CNOT10: variants seen among roughly 807,000 people sequenced by gnomAD.
The protein encoded by CNOT10 is CCR4-NOT transcription complex, subunit 10.
CNOT10 carries 30 observed loss-of-function variants against 94.6 expected under a neutral mutation model. The ratio of observed to expected loss-of-function variants is 0.32; its 90% CI spans 0.24 to 0.43. The LOEUF (loss-of-function observed/expected upper bound fraction) is 0.43, where lower values mean the gene tolerates loss of function less well. CNOT10 is among the 20% of genes least tolerant of loss of function. The probability of loss-of-function intolerance (pLI) is 1.00; values close to 1 mark genes in which losing one functional copy is unlikely to be tolerated. For synonymous variants in CNOT10, 289 were observed against 301.6 expected (o/e 0.96, Z 0.43); for missense variants, 759 against 877.2 (o/e 0.87, Z 1.70).
At chr3:32,740,489 T>A (rs1348284007) in intron 13 of CNOT10, among the ~76,000 whole-genome samples, 1 of 152,154 alleles carries the variant, frequency 6.6e-6, no homozygotes, top group Non-Finnish European at 1.5e-5. Context: ...ACAGTCAAGA[T>A]ATTGACATTG....
chr3:32,704,001 G>T, intron 2 of CNOT10, 39 bp downstream of exon 2: 1 of 1,249,288 alleles, frequency 8.0e-7, no homozygotes, highest in Non-Finnish European at 1.2e-6. Flanking sequence ...AAGTTGTAGG[G>T]TTCTGTCAAG....
At position 32,704,930 on chromosome 3, in the gene CNOT10, A is replaced by G. The variant is rs1232842161; in HGVS notation, c.237A>G (p.Thr79=). The part of the protein sequence containing the change: ...VAEFFKSNQT[T]TDNLRQTLNQ... ...AGTTTTTTAAAAGTAACCAAACAAC[A>G]ACAGATAATTTGAGACAAACACTTA... The change falls in exon 3 of 19, where the codon ACA becomes ACG. Residue 79 remains threonine, a synonymous_variant. Transcript: ENST00000328834. 3.9e-6 allele frequency: 6 copies of G among 1,555,376 alleles called. No individual in the cohort carries two copies. The highest frequency in any genetic ancestry group is 1.7e-6 in the Non-Finnish European group (2 of 1,162,230).
intron 13 of CNOT10, among the ~76,000 whole-genome samples, chr3:32,746,051 G>A (rs760292948): frequency 5.9e-5 from 9 of 152,168 alleles, no homozygotes; most frequent in Non-Finnish European, 1.3e-4. Flanking sequence ...ACATTTTCCT[G>A]TTTTTTCTTT....
intron 17 of CNOT10, among the ~76,000 whole-genome samples, chr3:32,768,802 A>T (rs1035064297): frequency 6.6e-6 from 1 of 152,148 alleles, no homozygotes; most frequent in Non-Finnish European, 1.5e-5. Context: ...ATTTCTCCTA[A>T]TGCTGCCAGA....
intron 1 of CNOT10, among the ~76,000 whole-genome samples, chr3:32,690,773 T>C: frequency 6.6e-6 from 1 of 151,988 alleles, no homozygotes; most frequent in South Asian, 2.1e-4. Flanking sequence ...GGTCTCTAAC[T>C]CCTGACCTCA....
In CNOT10 at chr3:32,769,856, T is replaced by C. The variant is rs1378242344; in HGVS notation, c.2005-31T>C. ...GAGTGTGTATCTTAAGCTTTTGTTT[T>C]TTCACGGGCATCTTTCTGTTTTGAG... On this transcript the variant is annotated intron_variant, in intron 17 of 18. Coordinates refer to ENST00000328834, the MANE Select transcript of CNOT10 (RefSeq NM_015442.3). 5.0e-6 allele frequency: 8 copies of C among 1,591,444 alleles called. No homozygotes were observed. The African/African-American group carries it at 9.4e-5, about 19-fold the overall frequency.
At chr3:32,697,780 A>G (rs1273348210) in intron 1 of CNOT10, among the ~76,000 whole-genome samples, 5 of 152,244 alleles carry the variant, frequency 3.3e-5, no homozygotes, top group African/African-American at 9.6e-5. Flanking sequence ...GCCAAGGGGC[A>G]TATTTTAGAA....
In CNOT10 at chr3:32,753,687, CAAA is replaced by C. The variant is rs544345348; in HGVS notation, c.1596-5770_1596-5768del. 1.0e-4 allele frequency: 161 copies of C among 1,585,000 alleles called. No homozygotes were observed. In the South Asian group the frequency reaches 1.7e-3, roughly 17 times the overall value. On this transcript the variant is annotated intron_variant, in intron 13 of 18. Coordinates refer to ENST00000328834, the MANE Select transcript of CNOT10 (RefSeq NM_015442.3). ...ATTGGGATAAATTAGTGGGTAAAATCAAAGAAGAAGAAAATAATGAAAAGTTGG... is the reference window on the plus strand; with the variant it reads ...ATTGGGATAAATTAGTGGGTAAAATCGAAGAAGAAAATAATGAAAAGTTGG...
At chr3:32,687,441 T>TTTTTTTTTG (rs1371473503) in intron 1 of CNOT10, among the ~76,000 whole-genome samples, 227 of 6,992 alleles carry the variant, frequency 0.032, 4 homozygotes, top group African/African-American at 0.074. Context: ...TCCTCACGGT[T>TTTTTTTTTG]TTTTTTTTTT....
At chr3:32,703,141 G>A (rs948736649) in intron 1 of CNOT10, among the ~76,000 whole-genome samples, 1 of 149,466 alleles carries the variant, frequency 6.7e-6, no homozygotes, top group African/African-American at 2.5e-5. Flanking sequence ...AGCCAGGATG[G>A]TCTCGATCTC....
chr3:32,730,152 G>T (rs972930832), intron 10 of CNOT10, among the ~76,000 whole-genome samples: 1 of 152,032 alleles, frequency 6.6e-6, no homozygotes, highest in Non-Finnish European at 1.5e-5. Flanking sequence ...AGTGTTGGGC[G>T]CCTTTCTTTG....
chr3:32,761,824 G>A (rs1279310136), intron 14 of CNOT10, among the ~76,000 whole-genome samples: 1 of 150,240 alleles, frequency 6.7e-6, no homozygotes, highest in Middle Eastern at 3.2e-3. Context: ...CCAGGCTGGA[G>A]TGCAATGGCG....
intron 13 of CNOT10, among the ~76,000 whole-genome samples, chr3:32,754,711 G>A (rs1431703869): frequency 1.4e-5 from 2 of 147,128 alleles, no homozygotes; most frequent in Non-Finnish European, 3.0e-5. Context: ...TGGTAGAGAC[G>A]GGGTTTCGCC....
At chr3:32,735,728 TTAAAA>T (rs1321554913) in intron 12 of CNOT10, among the ~76,000 whole-genome samples, 2 of 152,134 alleles carry the variant, frequency 1.3e-5, no homozygotes, top group African/African-American at 2.4e-5. Flanking sequence ...AGAAAATTTA[TTAAAA>T]TAAACACTTG....
chr3:32,762,136 A>C (rs997901291), intron 14 of CNOT10, among the ~76,000 whole-genome samples: 4 of 150,002 alleles, frequency 2.7e-5, no homozygotes, highest in Non-Finnish European at 4.4e-5. Context: ...AAAGTCATTA[A>C]GATTTTGAGC....
intron 17 of CNOT10, chr3:32,769,483 T>C (rs902326394): frequency 5.5e-6 from 1 of 181,744 alleles, no homozygotes; most frequent in African/African-American, 2.3e-5. Flanking sequence ...TGGTACGTTT[T>C]TTCTGTATTA....
chr3:32,695,497 A>G, intron 1 of CNOT10: 1 of 1,377,460 alleles, frequency 7.3e-7, no homozygotes, highest in Non-Finnish European at 9.7e-7. Flanking sequence ...CACCAATCAG[A>G]TTTGAATGAT....
rs566826513 is a variant in CNOT10 at position 32,750,435 on chromosome 3, T to G, written c.1596-9023T>G. The stretch of plus-strand genomic sequence containing the variant: ...TGAACCCCGGAGGCCGAAGTTGCAG[T>G]GAGCCAAGATCGCACCACTGCACTC... On this transcript the variant is annotated intron_variant, in intron 13 of 18. Coordinates refer to ENST00000328834, the MANE Select transcript of CNOT10 (RefSeq NM_015442.3). 1.6e-4 allele frequency among the ~76,000 whole-genome samples: 25 copies of G among 152,254 alleles called. No individual in the cohort carries two copies. The South Asian group carries it at 3.7e-3, about 23-fold the overall frequency.
At chr3:32,732,586 A>T (rs1225870139) in intron 10 of CNOT10, among the ~76,000 whole-genome samples, 1 of 150,122 alleles carries the variant, frequency 6.7e-6, no homozygotes, top group Non-Finnish European at 1.5e-5. Flanking sequence ...ACCTTGTCTT[A>T]AAAAAGAAAA....
Sources: allele counts gnomAD v4.1 joint callset (sites outside exome capture counted in the v4.1 genomes callset), GRCh38; gene constraint gnomAD v4.1.1; transcripts MANE v1.5; gene names NCBI Gene and HGNC (gene_info 2026-07-23, HGNC 2026-07-21).